The following GALK2 variants were observed in gnomAD, a reference collection of about 807,000 sequenced individuals.
GALK2 encodes N-acetylgalactosamine kinase.
GALK2 carries 36 observed loss-of-function variants against 52.4 expected under a neutral mutation model. The ratio of observed to expected loss-of-function variants is 0.69; its 90% CI spans 0.53 to 0.91. The LOEUF (loss-of-function observed/expected upper bound fraction) is 0.91. GALK2 is among the 40% of genes least tolerant of loss of function. GALK2 has a pLI of 0.00. For synonymous variants in GALK2, 176 were observed against 199.1 expected, an observed-to-expected ratio of 0.88 and a Z score of 0.98; for missense variants, 579 against 559.1, an observed-to-expected ratio of 1.04 and a Z score of -0.36.
chr15:49,215,352 C>A (rs910539520), intron 2 of GALK2, among the ~76,000 whole-genome samples: 1 of 152,128 alleles, frequency 6.6e-6, no homozygotes, highest in Non-Finnish European at 1.5e-5. Context: ...TCTTTAAAGC[C>A]AATAACTCTT....
chr15:49,221,113 T>A (rs1191540416), intron 3 of GALK2, among the ~76,000 whole-genome samples: 1 of 152,226 alleles, frequency 6.6e-6, no homozygotes, highest in East Asian at 1.9e-4. Context: ...TATTTTTGTT[T>A]TATTTTTCTG....
intron 1 of GALK2, among the ~76,000 whole-genome samples, chr15:49,162,250 C>T (rs1289059288): frequency 6.6e-6 from 1 of 152,198 alleles, no homozygotes; most frequent in African/African-American, 2.4e-5. Context: ...TATGTACTCT[C>T]ATTTTCCTGG....
chr15:49,360,137 C>A (rs2043944532), intron 3 of GALK2, among the ~76,000 whole-genome samples: 1 of 150,382 alleles, frequency 6.6e-6, no homozygotes, highest in African/African-American at 2.4e-5. Context: ...ATACCTAATG[C>A]TGGATGACAA....
At chr15:49,309,737 C>T (rs1476414020) in intron 8 of GALK2, among the ~76,000 whole-genome samples, 1 of 152,076 alleles carries the variant, frequency 6.6e-6, no homozygotes, top group East Asian at 1.9e-4. Context: ...TCTCATGCCT[C>T]GGCCTCCTGA....
At chr15:49,258,825 T>TGA (rs1421372969) in intron 5 of GALK2, among the ~76,000 whole-genome samples, 20 of 121,112 alleles carry the variant, frequency 1.7e-4, no homozygotes, top group South Asian at 7.8e-4. Flanking sequence ...TGTGTGTGTG[T>TGA]GTGTGAGAGA....
At chr15:49,362,403 G>A (rs762229086) in intron 3 of GALK2, among the ~76,000 whole-genome samples, 1 of 152,132 alleles carries the variant, frequency 6.6e-6, no homozygotes, top group South Asian at 2.1e-4. Context: ...CATGCTTCCT[G>A]TTAAACCTGC....
chr15:49,345,712 C>A (rs999166891), intron 3 of GALK2, among the ~76,000 whole-genome samples: 3 of 152,210 alleles, frequency 2.0e-5, no homozygotes, highest in South Asian at 2.1e-4. Flanking sequence ...TTTTCTGGGA[C>A]TTCACAACAG....
intron 3 of GALK2, among the ~76,000 whole-genome samples, chr15:49,347,150 T>C (rs972743072): frequency 1.3e-5 from 2 of 152,116 alleles, no homozygotes; most frequent in South Asian, 2.1e-4. Context: ...ACTCAGGAAA[T>C]TGAGGGAAGG....
chr15:49,357,508 G>A (rs1243715264), intron 3 of GALK2, among the ~76,000 whole-genome samples: 1 of 151,976 alleles, frequency 6.6e-6, no homozygotes, highest in African/African-American at 2.4e-5. Context: ...TAAATTCCTC[G>A]ACACATACAC....
chr15:49,280,842 T>A (rs1256134376), intron 5 of GALK2, among the ~76,000 whole-genome samples: 1 of 152,090 alleles, frequency 6.6e-6, no homozygotes, highest in Non-Finnish European at 1.5e-5. Context: ...TTTTTTATTT[T>A]TTTATTTTTT....
intron 8 of GALK2, among the ~76,000 whole-genome samples, chr15:49,301,590 G>A (rs2035119985): frequency 6.6e-6 from 1 of 152,096 alleles, no homozygotes; most frequent in Non-Finnish European, 1.5e-5. Context: ...AAGGTAAATG[G>A]GCAGTGAAGT....
At chr15:49,281,325 T>C (rs775046876) in intron 5 of GALK2, among the ~76,000 whole-genome samples, 1 of 152,240 alleles carries the variant, frequency 6.6e-6, no homozygotes, top group South Asian at 2.1e-4. Flanking sequence ...CAATTTCGTA[T>C]GCATAATGGT....
rs952931742 is a variant in GALK2, at chr15:49,365,257, G to A, written c.427-2234G>A. ...CCTTACATTTCCAGGCAACAACTGA[G>A]GCAATAATAAGTGTGCAAGTTACTA... is the stretch of plus-strand genomic sequence containing the variant. On this transcript the variant is annotated intron_variant, in intron 3 of 3. Coordinates refer to the GALK2 transcript ENST00000558399. 4.2e-6 allele frequency: 5 copies of A among 1,200,366 alleles called. No homozygotes were observed. In the African/African-American group the frequency reaches 4.5e-5, roughly 11 times the overall value. 74.4% of individuals were successfully genotyped at this position (1,200,366 alleles called of 1,614,324 possible). A position where few individuals can be genotyped will look rare whatever the true frequency, so the allele number is the denominator to read the frequency against.
chr15:49,335,321 C>A (rs1348790080), downstream of GALK2: 1 of 742,334 alleles, frequency 1.3e-6, no homozygotes, highest in Non-Finnish European at 2.3e-6. Flanking sequence ...CATGACTCTC[C>A]TCATCATTAA....
intron 5 of GALK2, among the ~76,000 whole-genome samples, chr15:49,246,771 CT>C (rs1488894524): frequency 2.0e-5 from 3 of 152,116 alleles, no homozygotes; most frequent in African/African-American, 7.2e-5. Flanking sequence ...ATGTATAATA[CT>C]GGATTTGTGA....
At chr15:49,179,296 A>T (rs569322605) in intron 1 of GALK2, among the ~76,000 whole-genome samples, 1 of 152,328 alleles carries the variant, frequency 6.6e-6, no homozygotes, top group South Asian at 2.1e-4. Context: ...CAGTTTGTAG[A>T]TGAGGAAAAT....
chr15:49,346,352 T>C (rs982037228), intron 3 of GALK2, among the ~76,000 whole-genome samples: 2 of 152,190 alleles, frequency 1.3e-5, no homozygotes, highest in African/African-American at 4.8e-5. Context: ...CTATGAAGCC[T>C]GACTATGCTT....
intron 8 of GALK2, among the ~76,000 whole-genome samples, chr15:49,311,775 T>C (rs1179320735): frequency 6.6e-6 from 1 of 152,262 alleles, no homozygotes; most frequent in Non-Finnish European, 1.5e-5. Context: ...CATTGTGCGT[T>C]CTCCAAAGTC....
rs983040225 is a variant in GALK2, at chr15:49,155,794, A to T, written c.-203A>T. The T allele has an allele frequency of 1.2e-5, 8 of 684,412 alleles. No individual in the cohort carries two copies. The East Asian group carries it at 2.2e-4, about 18-fold the overall frequency. 42.4% of individuals were successfully genotyped at this position (684,412 alleles called of 1,614,324 possible). A position where few individuals can be genotyped will look rare whatever the true frequency, so the allele number is the denominator to read the frequency against. On this transcript the variant is annotated 5_prime_UTR_variant, in exon 1 of 10. Coordinates refer to the GALK2 transcript ENST00000327171. ...CCTCCGAAGTGGTTGGTGCCTTAGC[A>T]ACTAAAGCTGGCAACTGGGACATCG...
Sources: allele counts gnomAD v4.1 joint callset (sites outside exome capture counted in the v4.1 genomes callset), GRCh38; gene constraint gnomAD v4.1.1; transcripts MANE v1.5; gene names NCBI Gene and HGNC (gene_info 2026-07-23, HGNC 2026-07-21).